The following TMC1 variants were observed in gnomAD, a reference collection of about 807,000 sequenced individuals.
TMC1 encodes the protein transmembrane channel like 1.
A neutral mutation model predicts 105.8 loss-of-function variants in TMC1; 84 were observed. That is an observed-to-expected ratio of 0.79 (90% confidence interval 0.67 to 0.95). TMC1 has a LOEUF of 0.95. Ranked by LOEUF, TMC1 falls within the 40% of genes least tolerant of loss-of-function variation. The pLI is 0.00. For missense variants in TMC1, 817 were observed against 914.1 expected (o/e 0.89, Z 1.37); for synonymous variants, 315 against 311.5 (o/e 1.01, Z -0.12).
chr9:72,763,085 C>CTTTT (rs148498655), intron 12 of TMC1, among the ~76,000 whole-genome samples: 2 of 109,496 alleles, frequency 1.8e-5, no homozygotes, highest in Non-Finnish European at 1.9e-5. Context: ...CTAGCGATGC[C>CTTTT]TTTTTTTTTT....
chr9:72,664,007 C>T (rs1442334450), intron 5 of TMC1, among the ~76,000 whole-genome samples: 3 of 152,182 alleles, frequency 2.0e-5, no homozygotes, highest in East Asian at 1.9e-4. Context: ...GGAAGATCTT[C>T]ATGGACAATA....
At position 72,592,523 on chromosome 9, in the gene TMC1, C is replaced by T. The variant is rs1017993452; in HGVS notation, c.-306+14500C>T. On this transcript the variant is annotated intron_variant, in intron 2 of 23. Coordinates refer to ENST00000297784, the MANE Select transcript of TMC1 (RefSeq NM_138691.3). ...CTTGGGAGGCTGCCTCTCCCTCCTC[C>T]TTCAGAATTTACCCCCTACTTCTCC... Among the ~76,000 whole-genome samples, 5 of 152,206 alleles carry T rather than the reference C, an allele frequency of 3.3e-5. No homozygotes were observed. The East Asian group carries it at 9.6e-4, about 29-fold the overall frequency.
chr9:72,629,826 T>C (rs1203024973), intron 4 of TMC1, among the ~76,000 whole-genome samples: 1 of 152,260 alleles, frequency 6.6e-6, no homozygotes, highest in South Asian at 2.1e-4. Context: ...ATTGTCTCAA[T>C]ATGATAGATA....
intron 8 of TMC1, among the ~76,000 whole-genome samples, chr9:72,711,091 A>G (rs1185981993): frequency 6.6e-6 from 1 of 152,238 alleles, no homozygotes. Flanking sequence ...TGCAAAAGAC[A>G]TTAACTCATC....
intron 6 of TMC1, among the ~76,000 whole-genome samples, chr9:72,689,183 G>A (rs1232712619): frequency 6.6e-6 from 1 of 152,032 alleles, no homozygotes; most frequent in East Asian, 1.9e-4. Context: ...CATAGAGTGG[G>A]GAAACACAAC....
Position 72,814,896 on chromosome 9 carries a change from T to TTGTGTGTGTG in TMC1, c.1696-1205_1696-1196dup, listed in dbSNP as rs57564294. Among the ~76,000 whole-genome samples, 418 of 119,218 alleles carry TTGTGTGTGTG rather than the reference T, an allele frequency of 3.5e-3. 4 individuals are homozygous for TTGTGTGTGTG. Among genetic ancestry groups the TTGTGTGTGTG allele is most frequent in the Non-Finnish European group, 4.1e-3 (238 of 57,780 alleles). 78.2% of individuals were successfully genotyped at this position (119,218 alleles called of 152,430 possible). On this transcript the variant is annotated intron_variant, in intron 18 of 23. Transcript: ENST00000297784. ...GAACAGAGGCTCTCTTGGATCATCT[T>TTGTGTGTGTG]TGTGTGTGTGTGTGTGTGTGTGTGT...
At chr9:72,693,414 G>A (rs1349876696) in intron 6 of TMC1, among the ~76,000 whole-genome samples, 1 of 152,154 alleles carries the variant, frequency 6.6e-6, no homozygotes, top group Non-Finnish European at 1.5e-5. Context: ...AGGCAAAGTT[G>A]TTTTTGAAAG....
chr9:72,796,408 G>A (rs966445770), intron 17 of TMC1, among the ~76,000 whole-genome samples: 4 of 152,152 alleles, frequency 2.6e-5, no homozygotes, highest in Non-Finnish European at 4.4e-5. Context: ...AAACCTGGCA[G>A]AGACACAACA....
chr9:72,526,326 C>T (rs1265270939), intron 1 of TMC1, among the ~76,000 whole-genome samples: 2 of 152,140 alleles, frequency 1.3e-5, no homozygotes, highest in African/African-American at 4.8e-5. Flanking sequence ...GATATTCATC[C>T]TATCTTATTG....
At chr9:72,588,884 T>C (rs530399329) in intron 2 of TMC1, among the ~76,000 whole-genome samples, 4 of 151,942 alleles carry the variant, frequency 2.6e-5, no homozygotes, top group South Asian at 2.1e-4. Context: ...CAAGTGATTC[T>C]CCTGCCTCAG....
chr9:72,629,089 A>G (rs979585453), intron 4 of TMC1, among the ~76,000 whole-genome samples: 7 of 152,270 alleles, frequency 4.6e-5, no homozygotes, highest in African/African-American at 1.2e-4. Flanking sequence ...TTTCTCTTCT[A>G]TATTCAAAAT....
intron 18 of TMC1, among the ~76,000 whole-genome samples, chr9:72,815,691 A>G (rs1345323388): frequency 6.6e-6 from 1 of 152,218 alleles, no homozygotes; most frequent in African/African-American, 2.4e-5. Flanking sequence ...AATATACTGT[A>G]TATACATAAC....
intron 2 of TMC1, among the ~76,000 whole-genome samples, chr9:72,616,027 C>T (rs914404022): frequency 2.6e-5 from 4 of 152,090 alleles, no homozygotes; most frequent in South Asian, 4.2e-4. Flanking sequence ...GGATTACAGG[C>T]GTGAGCCACC....
chr9:72,810,726 T>C (rs1253387477), intron 18 of TMC1, among the ~76,000 whole-genome samples: 1 of 152,192 alleles, frequency 6.6e-6, no homozygotes, highest in Non-Finnish European at 1.5e-5. Flanking sequence ...TTTTAAATGG[T>C]TGTATAATAT....
intron 6 of TMC1, among the ~76,000 whole-genome samples, 163 bp downstream of exon 6, chr9:72,688,919 C>T (rs1193344252): frequency 6.6e-6 from 1 of 152,064 alleles, no homozygotes; most frequent in Non-Finnish European, 1.5e-5. Context: ...ACAGAATCCC[C>T]ACTCTAGAGT....
At chr9:72,816,940 A>G (rs1828797407) in intron 19 of TMC1, 1 of 152,382 alleles carries the variant, frequency 6.6e-6, no homozygotes, top group African/African-American at 2.4e-5. Context: ...TCAGATTTCC[A>G]GCCTACAAGC....
At chr9:72,660,933 G>A (rs1825961017) in intron 5 of TMC1, among the ~76,000 whole-genome samples, 1 of 152,008 alleles carries the variant, frequency 6.6e-6, no homozygotes, top group African/African-American at 2.4e-5. Context: ...GGCGGATCAC[G>A]AGGTCAGGAG....
At chr9:72,678,011 G>A (rs1316554481) in intron 5 of TMC1, among the ~76,000 whole-genome samples, 1 of 152,106 alleles carries the variant, frequency 6.6e-6, no homozygotes, top group African/African-American at 2.4e-5. Context: ...CTACGTACAT[G>A]TTCCATTTCA....
chr9:72,602,540 A>G lies in TMC1; in HGVS notation c.-305-13828A>G, dbSNP rs570540293. Among the ~76,000 whole-genome samples the G allele has an allele frequency of 5.3e-5, 8 of 151,964 alleles. No individual in the cohort carries two copies. In the South Asian group the frequency reaches 6.2e-4, roughly 12 times the overall value. On this transcript the variant is annotated intron_variant, in intron 2 of 23. Transcript: ENST00000297784. Reference sequence around the variant, plus strand: ...CAGGCATGTGCTACCATGCTTGGCTAATTTTTGTATTTTTAGTAGAGATGG... The same window carrying G: ...CAGGCATGTGCTACCATGCTTGGCTGATTTTTGTATTTTTAGTAGAGATGG...
Sources: allele counts gnomAD v4.1 joint callset (sites outside exome capture counted in the v4.1 genomes callset), GRCh38; gene constraint gnomAD v4.1.1; transcripts MANE v1.5; gene names NCBI Gene and HGNC (gene_info 2026-07-23, HGNC 2026-07-21).